The following CLEC16A variants were observed in gnomAD, a reference collection of about 807,000 sequenced individuals.
The protein encoded by CLEC16A is C-type lectin domain containing 16A.
A neutral mutation model predicts 109.5 loss-of-function variants in CLEC16A; 51 were observed. That is an observed-to-expected ratio of 0.47 (90% confidence interval 0.37 to 0.59). The LOEUF (loss-of-function observed/expected upper bound fraction) is 0.59, where lower values mean the gene tolerates loss of function less well. Among genes scored for constraint, CLEC16A ranks in the 20% least tolerant of loss-of-function variants. The pLI is 0.00. For synonymous variants in CLEC16A, 673 were observed against 564.2 expected (o/e 1.19, Z -2.73); for missense variants, 1,339 against 1,394.0 (o/e 0.96, Z 0.63).
chr16:11,129,785 T>C lies in CLEC16A; in HGVS notation c.2641+3639T>C, dbSNP rs549084720. 1.4e-4 allele frequency among the ~76,000 whole-genome samples: 20 copies of C among 145,022 alleles called. No homozygotes were observed. In the East Asian group the frequency reaches 4.0e-3, roughly 29 times the overall value. Reference sequence around the variant, plus strand: ...TCCTTTTTTTTTTTTTTTTTTGAGATGGAGTCTCTCTCTGTCGCCCAGGCT... The same window carrying C: ...TCCTTTTTTTTTTTTTTTTTTGAGACGGAGTCTCTCTCTGTCGCCCAGGCT... On this transcript the variant is annotated intron_variant, in intron 22 of 23. Transcript: ENST00000409790.
chr16:11,031,420 G>C (rs2046737281), intron 13 of CLEC16A, among the ~76,000 whole-genome samples: 1 of 152,180 alleles, frequency 6.6e-6, no homozygotes. Flanking sequence ...GTGCTGCCAT[G>C]CACCTTCATC....
rs983398131 is a variant in CLEC16A, at chr16:10,971,274, G to C, written c.598+44G>C. 6.4e-6 allele frequency: 9 copies of C among 1,414,864 alleles called. No individual in the cohort carries two copies. In the African/African-American group the frequency reaches 1.3e-4, roughly 20 times the overall value. 87.6% of individuals were successfully genotyped at this position (1,414,864 alleles called of 1,614,324 possible). A position where few individuals can be genotyped will look rare whatever the true frequency, so the allele number is the denominator to read the frequency against. Reference sequence around the variant, plus strand: ...TTGTGTCTCGGCTGATTTCTGACTTGGCAGCAAGCACTCACTCCCGTGTGT... The same window carrying C: ...TTGTGTCTCGGCTGATTTCTGACTTCGCAGCAAGCACTCACTCCCGTGTGT... On this transcript the variant is annotated intron_variant, in intron 5 of 23. Coordinates refer to ENST00000409790, the MANE Select transcript of CLEC16A (RefSeq NM_015226.3).
At chr16:10,990,843 T>A (rs905616708) in intron 10 of CLEC16A, among the ~76,000 whole-genome samples, 1 of 152,178 alleles carries the variant, frequency 6.6e-6, no homozygotes, top group Non-Finnish European at 1.5e-5. Flanking sequence ...ACAAATGAGG[T>A]ACATGCCACT....
intron 19 of CLEC16A, among the ~76,000 whole-genome samples, chr16:11,087,429 A>C (rs905384529): frequency 2.6e-5 from 4 of 152,368 alleles, no homozygotes; most frequent in Admixed American, 2.6e-4. Flanking sequence ...ACCACATTTA[A>C]TATGCAGTAT....
intron 22 of CLEC16A, among the ~76,000 whole-genome samples, chr16:11,160,709 C>G (rs1294122198): frequency 6.6e-6 from 1 of 152,176 alleles, no homozygotes; most frequent in Non-Finnish European, 1.5e-5. Context: ...AAGATAAACT[C>G]AAAGGGGAAG....
intron 17 of CLEC16A, among the ~76,000 whole-genome samples, chr16:11,049,643 C>T (rs891698807): frequency 2.0e-5 from 3 of 152,234 alleles, no homozygotes; most frequent in Non-Finnish European, 2.9e-5. Context: ...GGGGTGGGGA[C>T]AGGCCCTCCA....
chr16:11,107,953 G>T (rs1468550336), intron 19 of CLEC16A, among the ~76,000 whole-genome samples: 2 of 152,174 alleles, frequency 1.3e-5, no homozygotes, highest in Non-Finnish European at 2.9e-5. Flanking sequence ...GACTCACCAG[G>T]TACTCCCCAG....
At chr16:10,981,250 A>C (rs2043306649) in intron 9 of CLEC16A, among the ~76,000 whole-genome samples, 1 of 152,256 alleles carries the variant, frequency 6.6e-6, no homozygotes, top group African/African-American at 2.4e-5. Context: ...CGGATATTTG[A>C]GAATGAATGA....
chr16:11,048,828 C>T (rs1401627983), intron 17 of CLEC16A, among the ~76,000 whole-genome samples: 1 of 151,888 alleles, frequency 6.6e-6, no homozygotes, highest in Non-Finnish European at 1.5e-5. Context: ...TTGTTATTTC[C>T]TCTTACCCCC....
chr16:11,156,807 C>A (rs2054541914), intron 22 of CLEC16A: 1 of 553,780 alleles, frequency 1.8e-6, no homozygotes, highest in Non-Finnish European at 3.1e-6. Flanking sequence ...GCGAGAGATT[C>A]CAAGATCTGG....
At position 11,123,907 on chromosome 16, in the gene CLEC16A, C is replaced by T. The variant is rs1463430938; in HGVS notation, c.2434C>T (p.Arg812Cys). The change falls in exon 21 of 24, where the codon CGC becomes TGC. Residue 812 changes from arginine to cysteine, a missense_variant. Physicochemically the swap from Arg to Cys is radical, Grantham distance 180. Around this residue, in one of 3 missense-constraint regions of CLEC16A, gnomAD observed 1,061 missense variants for 1,006.8 expected, o/e 1.05. Coordinates refer to ENST00000409790, the MANE Select transcript of CLEC16A (RefSeq NM_015226.3). ...CGCCAAGCAGCGCCTGGCCAAAGGC[C>T]GCATCCAGGCAAGGCGCATGAAGAT... The part of the protein sequence containing the change: ...IIAKQRLAKG[R>C]IQARRMKMQR... 6.2e-7 allele frequency: 1 copy of T among 1,613,568 alleles called. No individual in the cohort carries two copies. The highest frequency in any genetic ancestry group is 1.3e-5 in the African/African-American group (1 of 74,928).
intron 22 of CLEC16A, among the ~76,000 whole-genome samples, chr16:11,165,475 G>C (rs534855474): frequency 6.6e-6 from 1 of 152,182 alleles, no homozygotes; most frequent in African/African-American, 2.4e-5. Context: ...CTGGGCAACA[G>C]AGTGAAACCC....
chr16:11,088,910 A>G (rs1055424071), intron 19 of CLEC16A, among the ~76,000 whole-genome samples: 6 of 152,200 alleles, frequency 3.9e-5, no homozygotes, highest in African/African-American at 1.4e-4. Context: ...ACATATTCAC[A>G]TTGTAAAAGG....
chr16:11,023,063 CA>C (rs532338193), intron 12 of CLEC16A, among the ~76,000 whole-genome samples: 302 of 148,510 alleles, frequency 2.0e-3, no homozygotes, highest in South Asian at 8.2e-3. Context: ...CATTCAGAAT[CA>C]GGGGGACTAC....
chr16:11,045,361 AAG>A (rs1201620793), intron 16 of CLEC16A, among the ~76,000 whole-genome samples: 1 of 152,078 alleles, frequency 6.6e-6, no homozygotes, highest in Non-Finnish European at 1.5e-5. Context: ...AAAGAAGAAA[AAG>A]AAATTTACTT....
At chr16:11,150,526 G>A (rs761073888) in intron 22 of CLEC16A, among the ~76,000 whole-genome samples, 5 of 152,192 alleles carry the variant, frequency 3.3e-5, no homozygotes, top group South Asian at 4.1e-4. Flanking sequence ...CTCTCTGTGT[G>A]CACGTGCAGT....
At chr16:11,131,894 C>G (rs1226338026) in intron 22 of CLEC16A, among the ~76,000 whole-genome samples, 2 of 152,180 alleles carry the variant, frequency 1.3e-5, no homozygotes, top group African/African-American at 4.8e-5. Flanking sequence ...TGTGCCTCAC[C>G]AGGGCCAAGT....
chr16:11,042,948 ATTATACACTACGTATAT>A (rs1229258823), intron 15 of CLEC16A, among the ~76,000 whole-genome samples: 1 of 150,722 alleles, frequency 6.6e-6, no homozygotes, highest in Non-Finnish European at 1.5e-5. Context: ...ATATGTAAAT[ATTATACACTACGTATAT>A]TTACATATGT....
At chr16:10,966,780 G>T (rs911530088) in intron 3 of CLEC16A, among the ~76,000 whole-genome samples, 2 of 151,994 alleles carry the variant, frequency 1.3e-5, no homozygotes, top group South Asian at 4.1e-4. Context: ...AACAGGATGG[G>T]GGAAACCACC....
Sources: gnomAD v4.1 joint callset for allele counts (sites outside exome capture counted in the v4.1 genomes callset) on GRCh38, gnomAD v4.1.1 for gene constraint, gnomAD v4.1.1 regional missense constraint, MANE v1.5 for transcripts, NCBI Gene and HGNC (gene_info 2026-07-23, HGNC 2026-07-21) for gene names.